The following CADM1 variants were observed in gnomAD, a reference collection of about 807,000 sequenced individuals.
CADM1 encodes cell adhesion molecule 1.
A neutral mutation model predicts 53.1 loss-of-function variants in CADM1; 15 were observed. The ratio of observed to expected loss-of-function variants is 0.28; its 90% CI spans 0.19 to 0.44. The LOEUF (loss-of-function observed/expected upper bound fraction) is 0.44. CADM1 is among the 20% of genes least tolerant of loss of function. The pLI is 1.00. For missense variants in CADM1, 434 were observed against 611.3 expected (o/e 0.71, Z 3.06); for synonymous variants, 281 against 243.0 (o/e 1.16, Z -1.45).
At chr11:115,231,779 G>A (rs1941823094) in intron 3 of CADM1, among the ~76,000 whole-genome samples, 1 of 152,094 alleles carries the variant, frequency 6.6e-6, no homozygotes, top group Non-Finnish European at 1.5e-5. Flanking sequence ...CTGAGGTCAG[G>A]AGTTTGATAT....
intron 1 of CADM1, among the ~76,000 whole-genome samples, chr11:115,308,194 G>GTGTA (rs1944434433): frequency 8.1e-6 from 1 of 123,978 alleles, no homozygotes; most frequent in East Asian, 2.1e-4. Context: ...TCATAGGTGT[G>GTGTA]TATATATATA....
chr11:115,468,610 G>A (rs1219115855), intron 1 of CADM1, among the ~76,000 whole-genome samples: 1 of 152,112 alleles, frequency 6.6e-6, no homozygotes, highest in Non-Finnish European at 1.5e-5. Flanking sequence ...ATAATGGAAG[G>A]GGGACAGCAC....
chr11:115,312,801 T>C (rs957934545), intron 1 of CADM1, among the ~76,000 whole-genome samples: 9 of 152,130 alleles, frequency 5.9e-5, no homozygotes, highest in Admixed American at 2.0e-4. Flanking sequence ...CTGACAACCC[T>C]TTGTTTGTGG....
chr11:115,410,823 C>T (rs979004441), intron 1 of CADM1, among the ~76,000 whole-genome samples: 3 of 152,054 alleles, frequency 2.0e-5, no homozygotes, highest in Non-Finnish European at 2.9e-5. Context: ...CAGTGTTGCT[C>T]GCATACACAG....
intron 1 of CADM1, among the ~76,000 whole-genome samples, chr11:115,274,861 C>T (rs1943401203): frequency 6.6e-6 from 1 of 152,162 alleles, no homozygotes; most frequent in South Asian, 2.1e-4. Flanking sequence ...CCTGCTTTCA[C>T]CATAAGCGCT....
chr11:115,178,983 G>A, intron 10 of CADM1: 2 of 611,944 alleles, frequency 3.3e-6, no homozygotes, highest in Non-Finnish European at 5.9e-6. Flanking sequence ...GCAATTTCAT[G>A]ATAAGCAGCA....
intron 1 of CADM1, among the ~76,000 whole-genome samples, chr11:115,415,459 A>G (rs1947569862): frequency 6.6e-6 from 1 of 152,158 alleles, no homozygotes; most frequent in Admixed American, 6.6e-5. Flanking sequence ...ACAAGTTTTC[A>G]AAAGTTAAGA....
At chr11:115,404,346 A>AAAAAAAT (rs1947251974) in intron 1 of CADM1, among the ~76,000 whole-genome samples, 1 of 33,786 alleles carries the variant, frequency 3.0e-5, no homozygotes, top group Non-Finnish European at 4.9e-5. Flanking sequence ...AAAAAAAAAA[A>AAAAAAAT]ATATATATAT....
chr11:115,272,691 T>G (rs1373157537), intron 1 of CADM1, among the ~76,000 whole-genome samples: 1 of 144,658 alleles, frequency 6.9e-6, no homozygotes, highest in East Asian at 2.1e-4. Context: ...AGAGACCTAT[T>G]TCGATCTAGT....
At chr11:115,450,073 A>AC (rs1948538570) in intron 1 of CADM1, among the ~76,000 whole-genome samples, 2 of 151,976 alleles carry the variant, frequency 1.3e-5, no homozygotes, top group African/African-American at 2.4e-5. Flanking sequence ...AGCTGCTTTC[A>AC]CCCCTCCCTA....
chr11:115,463,924 C>T (rs866373689), intron 1 of CADM1, among the ~76,000 whole-genome samples: 1 of 152,094 alleles, frequency 6.6e-6, no homozygotes, highest in Non-Finnish European at 1.5e-5. Flanking sequence ...TTCCAGCTGC[C>T]AGGTGCAAAT....
intron 6 of CADM1, among the ~76,000 whole-genome samples, chr11:115,215,921 T>C (rs1288997290): frequency 6.6e-6 from 1 of 152,220 alleles, no homozygotes; most frequent in Non-Finnish European, 1.5e-5. Context: ...CCCTGTCAAG[T>C]AGCATTCCAA....
intron 1 of CADM1, among the ~76,000 whole-genome samples, chr11:115,347,396 C>T (rs1945609243): frequency 6.6e-6 from 1 of 152,166 alleles, no homozygotes; most frequent in African/African-American, 2.4e-5. Flanking sequence ...GTTATTAGCA[C>T]CTCCCATCAC....
intron 1 of CADM1, among the ~76,000 whole-genome samples, chr11:115,317,090 C>A (rs572446597): frequency 1.3e-5 from 2 of 152,162 alleles, no homozygotes; most frequent in Non-Finnish European, 2.9e-5. Flanking sequence ...GCGGAAAAAA[C>A]GGCTCCTCAA....
chr11:115,441,934 A>C (rs2135325391), intron 1 of CADM1, among the ~76,000 whole-genome samples: 1 of 152,274 alleles, frequency 6.6e-6, no homozygotes, highest in South Asian at 2.1e-4. Context: ...CACATTCAAT[A>C]ATGTATATTA....
chr11:115,296,299 C>T (rs1944077134), intron 1 of CADM1, among the ~76,000 whole-genome samples: 1 of 152,198 alleles, frequency 6.6e-6, no homozygotes, highest in African/African-American at 2.4e-5. Context: ...TCTCCCTCCA[C>T]TGGAGTAGTG....
At chr11:115,446,677 A>C (rs891556756) in intron 1 of CADM1, among the ~76,000 whole-genome samples, 2 of 152,302 alleles carry the variant, frequency 1.3e-5, no homozygotes, top group African/African-American at 4.8e-5. Context: ...AATTTGAGGT[A>C]TGAATCTATT....
intron 1 of CADM1, among the ~76,000 whole-genome samples, chr11:115,444,778 G>A (rs1333063790): frequency 2.0e-5 from 3 of 152,114 alleles, no homozygotes; most frequent in Non-Finnish European, 2.9e-5. Context: ...AAATCAATTC[G>A]CCTCTCTTCC....
chr11:115,182,665 T>A (rs1024822188), intron 10 of CADM1, among the ~76,000 whole-genome samples: 3 of 152,192 alleles, frequency 2.0e-5, no homozygotes, highest in Non-Finnish European at 4.4e-5. Context: ...GAAAGCTTGG[T>A]GTCCTTTTGG....
Sources: allele counts gnomAD v4.1 joint callset (sites outside exome capture counted in the v4.1 genomes callset), GRCh38; gene constraint gnomAD v4.1.1; transcripts MANE v1.5; gene names NCBI Gene and HGNC (gene_info 2026-07-23, HGNC 2026-07-21).